ZNF609: variants seen among roughly 807,000 people sequenced by gnomAD.
ZNF609 encodes the protein zinc finger protein 609.
ZNF609 carries 11 observed loss-of-function variants against 109.5 expected under a neutral mutation model. The observed-to-expected ratio is 0.10, with a 90% confidence interval of 0.06 to 0.17. ZNF609 has a LOEUF of 0.17. Among genes scored for constraint, ZNF609 ranks in the 10% least tolerant of loss-of-function variants. ZNF609 has a pLI of 1.00. For synonymous variants in ZNF609, 646 were observed against 662.0 expected (o/e 0.98, Z 0.37); for missense variants, 1,559 against 1,772.4 (o/e 0.88, Z 2.16).
chr15:64,579,929 C>T (rs77203189), intron 2 of ZNF609, among the ~76,000 whole-genome samples: 1,979 of 152,128 alleles, frequency 0.013, 33 homozygotes, highest in African/African-American at 0.046. Context: ...AATACTGCCT[C>T]CTCCAAAAAA....
intron 1 of ZNF609, among the ~76,000 whole-genome samples, chr15:64,469,732 G>A (rs780955828): frequency 7.2e-5 from 11 of 151,978 alleles, no homozygotes; most frequent in Non-Finnish European, 1.3e-4. Context: ...AAATCAGAAA[G>A]CTGCAAAAAA....
At chr15:64,516,187 C>T (rs917470318) in intron 2 of ZNF609, among the ~76,000 whole-genome samples, 4 of 152,178 alleles carry the variant, frequency 2.6e-5, no homozygotes, top group Non-Finnish European at 4.4e-5. Context: ...ATTTCACCCT[C>T]CTTCCTGTTT....
chr15:64,652,152 A>G (rs1017224992), intron 3 of ZNF609, among the ~76,000 whole-genome samples: 1 of 151,660 alleles, frequency 6.6e-6, no homozygotes, highest in Non-Finnish European at 1.5e-5. Context: ...CAGCCTCCTG[A>G]GTAGCTGGGA....
chr15:64,473,659 G>A (rs1416956242), intron 1 of ZNF609, among the ~76,000 whole-genome samples: 1 of 150,970 alleles, frequency 6.6e-6, no homozygotes, highest in Admixed American at 6.6e-5. Flanking sequence ...AGACTGGAGT[G>A]CAGTGGTGCG....
rs1247857037 is a variant in ZNF609 at position 64,584,859 on chromosome 15, C to T, written c.748-37968C>T. The stretch of plus-strand genomic sequence containing the variant: ...GGCCAGGATGGTCTCGATCTCTTGA[C>T]CTCGTGATCCACCCGTCTCAGCCTC... On this transcript the variant is annotated intron_variant, in intron 2 of 9. Coordinates refer to ENST00000326648, the MANE Select transcript of ZNF609 (RefSeq NM_015042.2). 2.0e-5 allele frequency among the ~76,000 whole-genome samples: 3 copies of T among 150,712 alleles called. No individual in the cohort carries two copies. The East Asian group carries it at 6.0e-4, about 30-fold the overall frequency.
chr15:64,493,547 A>G (rs1018440213), intron 1 of ZNF609, among the ~76,000 whole-genome samples: 3 of 152,192 alleles, frequency 2.0e-5, no homozygotes, highest in African/African-American at 4.8e-5. Context: ...AAACATATCC[A>G]TGTAGCAAGG....
intron 1 of ZNF609, among the ~76,000 whole-genome samples, chr15:64,489,464 G>C (rs1436602291): frequency 6.6e-6 from 1 of 151,210 alleles, no homozygotes; most frequent in Non-Finnish European, 1.5e-5. Context: ...ACAGGCAGGA[G>C]CCACTGTGCC....
intron 1 of ZNF609, among the ~76,000 whole-genome samples, chr15:64,490,872 G>A (rs1893403637): frequency 6.6e-6 from 1 of 152,188 alleles, no homozygotes; most frequent in Non-Finnish European, 1.5e-5. Context: ...GTCAAGCCTT[G>A]TAATCTTTGT....
intron 1 of ZNF609, among the ~76,000 whole-genome samples, chr15:64,484,931 G>A (rs1467897661): frequency 6.6e-6 from 1 of 152,094 alleles, no homozygotes; most frequent in Non-Finnish European, 1.5e-5. Context: ...CCGAGATTGC[G>A]CCACTGCACT....
intron 1 of ZNF609, among the ~76,000 whole-genome samples, chr15:64,482,854 G>A (rs1408819168): frequency 6.6e-6 from 1 of 152,116 alleles, no homozygotes; most frequent in Non-Finnish European, 1.5e-5. Context: ...TCAGAAAATT[G>A]TTTTGTTGTG....
chr15:64,486,830 A>C (rs1893341047), intron 1 of ZNF609, among the ~76,000 whole-genome samples: 1 of 152,006 alleles, frequency 6.6e-6, no homozygotes, highest in African/African-American at 2.4e-5. Flanking sequence ...GGCCAAGTTG[A>C]CCTGAAGTAA....
intron 3 of ZNF609, among the ~76,000 whole-genome samples, chr15:64,668,097 A>C (rs1349223189): frequency 2.0e-5 from 3 of 152,184 alleles, no homozygotes; most frequent in Non-Finnish European, 4.4e-5. Flanking sequence ...AGAAGAAAGA[A>C]ATTGCAAAGT....
chr15:64,551,613 C>T (rs616663), intron 2 of ZNF609, among the ~76,000 whole-genome samples: 123,545 of 142,266 alleles, frequency 0.87, 54,916 homozygotes, highest in East Asian at 0.96. Flanking sequence ...GATCGCGCCA[C>T]TGCACTCCAG....
intron 2 of ZNF609, among the ~76,000 whole-genome samples, chr15:64,513,696 C>A (rs1190008470): frequency 6.6e-6 from 1 of 152,144 alleles, no homozygotes. Flanking sequence ...GAGAGCTAGA[C>A]TATATTAATG....
intron 1 of ZNF609, among the ~76,000 whole-genome samples, chr15:64,476,578 A>G (rs549738110): frequency 2.0e-5 from 3 of 152,288 alleles, no homozygotes; most frequent in Admixed American, 1.3e-4. Context: ...GGCAATGTCT[A>G]CAGTTGTTCC....
intron 2 of ZNF609, among the ~76,000 whole-genome samples, chr15:64,516,055 A>C (rs573965721): frequency 1.3e-5 from 2 of 152,178 alleles, no homozygotes; most frequent in African/African-American, 4.8e-5. Flanking sequence ...TAAATTATCA[A>C]CCTGAAGTGG....
At chr15:64,541,583 G>C (rs1395577137) in intron 2 of ZNF609, among the ~76,000 whole-genome samples, 2 of 151,880 alleles carry the variant, frequency 1.3e-5, no homozygotes, top group Non-Finnish European at 2.9e-5. Context: ...GCTCATGCCT[G>C]TAATCCCAAC....
At chr15:64,573,358 T>TTTC (rs1249096989) in intron 2 of ZNF609, among the ~76,000 whole-genome samples, 1 of 110,700 alleles carries the variant, frequency 9.0e-6, no homozygotes, top group African/African-American at 3.2e-5. Context: ...TTTTTTTTTT[T>TTTC]TTTTTTTTTT....
intron 2 of ZNF609, among the ~76,000 whole-genome samples, chr15:64,613,643 C>T (rs370230022): frequency 3.3e-5 from 5 of 151,870 alleles, no homozygotes. Flanking sequence ...CGCCGCCTGC[C>T]GGGTTCAAGG....
Sources: allele counts gnomAD v4.1 joint callset (sites outside exome capture counted in the v4.1 genomes callset), GRCh38; gene constraint gnomAD v4.1.1; transcripts MANE v1.5; gene names NCBI Gene and HGNC (gene_info 2026-07-23, HGNC 2026-07-21).